PTCHD4: variants seen among roughly 807,000 people sequenced by gnomAD.
PTCHD4 encodes the protein patched domain containing 4.
A neutral mutation model predicts 58.1 loss-of-function variants in PTCHD4; 33 were observed. That is an observed-to-expected ratio of 0.57 (90% CI 0.43 to 0.76). The LOEUF (loss-of-function observed/expected upper bound fraction) is 0.76, where lower values mean the gene tolerates loss of function less well. Among genes scored for constraint, PTCHD4 ranks in the 30% least tolerant of loss-of-function variants. The pLI is 0.00. For synonymous variants in PTCHD4, 478 were observed against 409.6 expected, an observed-to-expected ratio of 1.17 and a Z score of -2.02; for missense variants, 1,058 against 1,027.1, an observed-to-expected ratio of 1.03 and a Z score of -0.41.
Position 48,008,967 on chromosome 6 carries a change from C to A in PTCHD4, c.565G>T (p.Glu189Ter). ...YGSATQDLIGEKWENEFCKLI... is the reference protein window; with the variant it reads ...YGSATQDLIG ...TTACAGAACTCATTCTCCCACTTCT[C>A]CCCTATGAGGTCTTGGGTGGCAGAG... Residue 189 changes from glutamate (E) to a stop codon, truncating the protein, a stop_gained, in exon 4 of 5, where the codon GAG (glutamate) becomes TAG (stop). Coordinates refer to ENST00000339488, the MANE Select transcript of PTCHD4 (RefSeq NM_001384253.1). LOFTEE classifies it high-confidence loss of function. 6.2e-7 allele frequency: 1 copy of A among 1,613,972 alleles called. No individual in the cohort carries two copies. The highest frequency in any genetic ancestry group is 8.5e-7 in the Non-Finnish European group (1 of 1,179,894).
chr6:48,009,061 T>G lies in PTCHD4; in HGVS notation c.471A>C (p.Pro157=), dbSNP rs1486519127. ...GHQLGGVVEV[P]NSKDQRVKSA... The stretch of plus-strand genomic sequence containing the variant: ...ACTTGACCCGCTGATCTTTGCTGTT[T>G]GGCACTTCCACTACCCCGCCCAGTT... Residue 157 remains proline, a synonymous_variant, in exon 4 of 5, where the codon CCA becomes CCC. Transcript: ENST00000339488. 1 of 1,613,752 alleles carries G rather than the reference T, an allele frequency of 6.2e-7. No homozygotes were observed. Among genetic ancestry groups the G allele is most frequent in the South Asian group, 1.1e-5 (1 of 91,072 alleles).
At chr6:48,075,096 G>A (rs7745595) in intron 1 of PTCHD4, among the ~76,000 whole-genome samples, 24,104 of 152,038 alleles carry the variant, frequency 0.16, 1,956 homozygotes, top group African/African-American at 0.21. Context: ...GTCCATGCAA[G>A]CATCTTTTCT....
intron 4 of PTCHD4, among the ~76,000 whole-genome samples, chr6:47,968,962 T>C (rs1422987032): frequency 6.6e-6 from 1 of 152,194 alleles, no homozygotes; most frequent in East Asian, 1.9e-4. Flanking sequence ...AATTCCTTTA[T>C]GATTAACTTG....
At chr6:47,945,237 G>A (rs965765403) in intron 4 of PTCHD4, among the ~76,000 whole-genome samples, 3 of 151,946 alleles carry the variant, frequency 2.0e-5, no homozygotes, top group African/African-American at 7.2e-5. Flanking sequence ...AATTCGCCTG[G>A]TTTACTCTCT....
chr6:48,110,805 A>C (rs2113923474), intron 1 of PTCHD4, among the ~76,000 whole-genome samples: 1 of 147,320 alleles, frequency 6.8e-6, no homozygotes, highest in Non-Finnish European at 1.5e-5. Context: ...ATATATATAT[A>C]TATATAATAT....
intron 3 of PTCHD4, among the ~76,000 whole-genome samples, chr6:48,059,616 C>A (rs910952628): frequency 6.6e-6 from 1 of 151,390 alleles, no homozygotes; most frequent in Non-Finnish European, 1.5e-5. Context: ...TCAGTCTGGG[C>A]GACAGAGTGA....
chr6:47,999,908 G>C (rs1161849055), intron 4 of PTCHD4, among the ~76,000 whole-genome samples: 1 of 152,058 alleles, frequency 6.6e-6, no homozygotes, highest in African/African-American at 2.4e-5. Flanking sequence ...TTTATTGTTT[G>C]GTTTAGTTTA....
chr6:47,935,465 T>C (rs1241477952), intron 4 of PTCHD4, among the ~76,000 whole-genome samples: 4 of 152,166 alleles, frequency 2.6e-5, no homozygotes, highest in Non-Finnish European at 5.9e-5. Context: ...TTTCTGCCAG[T>C]TCTCCTTTAC....
Position 47,868,069 on chromosome 6 carries a change from T to C in PTCHD4, c.*10234A>G, listed in dbSNP as rs1297910622. Among the ~76,000 whole-genome samples, 1 of 151,788 alleles carries C rather than the reference T, an allele frequency of 6.6e-6. No individual in the cohort carries two copies. Among genetic ancestry groups the C allele is most frequent in the Non-Finnish European group, 1.5e-5 (1 of 67,822 alleles). On this transcript the variant is annotated 3_prime_UTR_variant, in exon 5 of 5. Coordinates refer to ENST00000339488, the MANE Select transcript of PTCHD4 (RefSeq NM_001384253.1). The stretch of plus-strand genomic sequence containing the variant: ...TTCTGAAACTTTCCAATGTGTTCCT[T>C]TGTTTTTAAAGCCTAACTAAGCTAA...
At chr6:48,036,913 A>G (rs1358027206) in intron 3 of PTCHD4, among the ~76,000 whole-genome samples, 3 of 152,284 alleles carry the variant, frequency 2.0e-5, no homozygotes, top group Non-Finnish European at 2.9e-5. Flanking sequence ...TGGAAAAGTC[A>G]TTACATTTGT....
chr6:47,914,828 G>T (rs776695049), intron 4 of PTCHD4, among the ~76,000 whole-genome samples: 1 of 150,704 alleles, frequency 6.6e-6, no homozygotes, highest in African/African-American at 2.4e-5. Flanking sequence ...TTCTTCTGGA[G>T]AACCCTGATT....
At chr6:48,103,802 A>C (rs959119413) in intron 1 of PTCHD4, among the ~76,000 whole-genome samples, 5 of 152,260 alleles carry the variant, frequency 3.3e-5, no homozygotes, top group Non-Finnish European at 7.3e-5. Context: ...TACGTGATGA[A>C]TGCACAAGCC....
At chr6:48,066,732 C>A (rs1358514073) in intron 3 of PTCHD4, among the ~76,000 whole-genome samples, 1 of 151,830 alleles carries the variant, frequency 6.6e-6, no homozygotes, top group Non-Finnish European at 1.5e-5. Context: ...CATCAAGGGG[C>A]TGCTCAGCTT....
rs960044337 is a variant in PTCHD4 at position 47,862,048 on chromosome 6, C to T, written c.*16255G>A. Among the ~76,000 whole-genome samples the T allele has an allele frequency of 1.3e-5, 2 of 151,716 alleles. No homozygotes were observed. Among genetic ancestry groups the T allele is most frequent in the African/African-American group, 2.4e-5 (1 of 41,356 alleles). On this transcript the variant is annotated 3_prime_UTR_variant, in exon 5 of 5. Coordinates refer to ENST00000339488, the MANE Select transcript of PTCHD4 (RefSeq NM_001384253.1). Reference sequence around the variant, plus strand: ...AACATAACCCAGTACTCTAAGTATTCGAATTTAATACAAAAAGAAAATCTA... The same window carrying T: ...AACATAACCCAGTACTCTAAGTATTTGAATTTAATACAAAAAGAAAATCTA...
Position 47,971,925 on chromosome 6 carries a change from G to A in PTCHD4, c.898+36709C>T, listed in dbSNP as rs538843452. On this transcript the variant is annotated intron_variant, in intron 4 of 4. Transcript: ENST00000339488. ...ATGGATTTAACCAATTACTTGACAT[G>A]GAAACTGAAACTGAATTTGGGAAGA... Among the ~76,000 whole-genome samples the A allele has an allele frequency of 3.9e-5, 6 of 152,224 alleles. No individual in the cohort carries two copies. The South Asian group carries it at 1.2e-3, about 32-fold the overall frequency.
At chr6:47,975,482 G>T (rs1455877094) in intron 4 of PTCHD4, among the ~76,000 whole-genome samples, 2 of 152,084 alleles carry the variant, frequency 1.3e-5, no homozygotes, top group East Asian at 3.9e-4. Context: ...GTGTGGCATG[G>T]TGGTTTGCCA....
At chr6:48,087,766 G>T (rs969058678) in intron 1 of PTCHD4, among the ~76,000 whole-genome samples, 76 of 152,280 alleles carry the variant, frequency 5.0e-4, no homozygotes, top group African/African-American at 1.6e-3. Flanking sequence ...CTATCTAAAA[G>T]AATTAACCTA....
At chr6:47,929,046 A>AT (rs149096463) in intron 4 of PTCHD4, among the ~76,000 whole-genome samples, 19,617 of 152,158 alleles carry the variant, frequency 0.13, 1,381 homozygotes, top group African/African-American at 0.19. Flanking sequence ...ATAGAGCTGC[A>AT]TTAGAATGAG....
rs1019859007 is a variant in PTCHD4, at chr6:47,891,252, A to C, written c.899-11316T>G. Among the ~76,000 whole-genome samples the C allele has an allele frequency of 4.1e-4, 61 of 149,138 alleles. 1 individual carries two copies. Among genetic ancestry groups the C allele is most frequent in the Admixed American group, 3.7e-3 (56 of 14,988 alleles). On this transcript the variant is annotated intron_variant, in intron 4 of 4. Transcript: ENST00000339488. Reference sequence around the variant, plus strand: ...AAAAAAAAAAAAAAAAAGATTGAGGAAAGAAATGCAGCCTCTGAGGGCTGG... The same window carrying C: ...AAAAAAAAAAAAAAAAAGATTGAGGCAAGAAATGCAGCCTCTGAGGGCTGG...
Sources: gnomAD v4.1 joint callset for allele counts (sites outside exome capture counted in the v4.1 genomes callset) on GRCh38, gnomAD v4.1.1 for gene constraint, MANE v1.5 for transcripts, NCBI Gene and HGNC (gene_info 2026-07-23, HGNC 2026-07-21) for gene names.